BICDL1: variants seen among roughly 807,000 people sequenced by gnomAD.
BICDL1 encodes BICD family like cargo adaptor 1.
In BICDL1, 20 loss-of-function variants were observed where a neutral mutation model predicts 76.8. That is an observed-to-expected ratio of 0.26 (90% CI 0.18 to 0.38). The LOEUF (loss-of-function observed/expected upper bound fraction) is 0.38. Among genes scored for constraint, BICDL1 ranks in the 10% least tolerant of loss-of-function variants. The pLI, the probability that BICDL1 is intolerant of heterozygous loss-of-function variation, is 1.00. For missense variants in BICDL1, 700 were observed against 798.6 expected (o/e 0.88, Z 1.49); for synonymous variants, 383 against 337.1 (o/e 1.14, Z -1.49).
Position 120,093,375 on chromosome 12 carries a change from A to T in BICDL1, c.*214A>T. On this transcript the variant is annotated 3_prime_UTR_variant, in exon 10 of 10. Transcript: ENST00000548673. ...GGCCACTGAAGGCTTCCCTTGGCCC[A>T]CCGCCTGGCCAAGCCCACGCCTGGG... 1.7e-6 allele frequency: 1 copy of T among 595,864 alleles called. No homozygotes were observed. The highest frequency in any genetic ancestry group is 3.1e-5 in the East Asian group (1 of 32,550). The allele number at this position is 595,864 out of a possible 1,614,324, so 36.9% of individuals were successfully genotyped here.
At chr12:119,998,855 GA>G in intron 2 of BICDL1, 119 bp downstream of exon 2, 8 of 917,890 alleles carry the variant, frequency 8.7e-6, no homozygotes, top group Non-Finnish European at 1.3e-5. Flanking sequence ...AAGCACTTCA[GA>G]CCAATCTGGG....
chr12:120,048,317 C>G (rs1952787331), intron 2 of BICDL1, among the ~76,000 whole-genome samples: 1 of 152,064 alleles, frequency 6.6e-6, no homozygotes, highest in African/African-American at 2.4e-5. Context: ...TAAGATAATA[C>G]AACCTCCATA....
chr12:120,076,534 A>G (rs1450180988), intron 7 of BICDL1, among the ~76,000 whole-genome samples: 2 of 152,170 alleles, frequency 1.3e-5, no homozygotes, highest in Admixed American at 6.5e-5. Flanking sequence ...CCAAGATTCT[A>G]CTGTAGAATA....
In BICDL1 at chr12:120,022,468, TA is replaced by T. The variant is rs1952204708; in HGVS notation, c.645+23733del. On this transcript the variant is annotated intron_variant, in intron 2 of 9. Transcript: ENST00000548673. ...ATATGTATTTTATATATTATATATT[TA>T]TATATATTTTATATATTTTTGTGTA... Among the ~76,000 whole-genome samples, 4 of 147,166 alleles carry T rather than the reference TA, an allele frequency of 2.7e-5. No individual in the cohort carries two copies. The South Asian group carries it at 8.4e-4, about 31-fold the overall frequency.
intron 9 of BICDL1, 113 bp from the exon 10 acceptor site, chr12:120,092,887 C>T (rs960474226): frequency 1.8e-5 from 26 of 1,461,080 alleles, no homozygotes; most frequent in Non-Finnish European, 2.1e-5. Context: ...TGCAGCCTCT[C>T]ACTCATCACA....
intron 2 of BICDL1, chr12:120,057,085 T>G (rs1952990799): frequency 7.7e-6 from 4 of 522,712 alleles, no homozygotes; most frequent in South Asian, 5.5e-5. Context: ...CCACCTCTGA[T>G]GCAGAATTTG....
At position 120,023,833 on chromosome 12, in the gene BICDL1, A is replaced by G. The variant is rs189172799; in HGVS notation, c.645+25097A>G. On this transcript the variant is annotated intron_variant, in intron 2 of 9. Coordinates refer to ENST00000548673, the MANE Select transcript of BICDL1 (RefSeq NM_001367886.1). ...AAAAAAGATTCCCAGGTATGCAAAG[A>G]GGCAGGAAAATATGGTCTGTAATAA... is the stretch of plus-strand genomic sequence containing the variant. Among the ~76,000 whole-genome samples the G allele has an allele frequency of 8.9e-4, 136 of 151,994 alleles. 1 individual carries two copies. The highest frequency in any genetic ancestry group is 3.0e-3 in the African/African-American group (124 of 41,494).
intron 2 of BICDL1, among the ~76,000 whole-genome samples, chr12:120,022,421 TA>T (rs1417179579): frequency 1.4e-5 from 2 of 147,212 alleles, no homozygotes; most frequent in African/African-American, 2.5e-5. Context: ...TTTATATATA[TA>T]TTTTTTATAT....
chr12:120,061,867 T>C (rs771497091), intron 3 of BICDL1, 41 bp downstream of exon 3: 7 of 1,465,632 alleles, frequency 4.8e-6, no homozygotes, highest in African/African-American at 2.8e-5. Flanking sequence ...GTGGAGTGCT[T>C]TTCTCACTGG....
Position 120,071,699 on chromosome 12 carries a change from T to G in BICDL1, c.987T>G (p.Thr329=). Residue 329 remains threonine (T), a synonymous_variant, in exon 5 of 10, where the codon ACT becomes ACG. Transcript: ENST00000548673. This position sits in a 1 kb window ranked among gnomAD's most constrained non-coding sequence, Gnocchi z 4.8. ...TGCAGGTGAAGGTGGAAGAACTCACTGAGGAGAGGAGTCTGCAGAGCTCTG... is the reference window on the plus strand; with the variant it reads ...TGCAGGTGAAGGTGGAAGAACTCACGGAGGAGAGGAGTCTGCAGAGCTCTG... The part of the protein sequence containing the change: ...RQLQVKVEEL[T]EERSLQSSAA... 1 of 1,612,532 alleles carries G rather than the reference T, an allele frequency of 6.2e-7. No homozygotes were observed. Among genetic ancestry groups the G allele is most frequent in the South Asian group, 1.1e-5 (1 of 90,908 alleles).
intron 2 of BICDL1, among the ~76,000 whole-genome samples, chr12:120,003,158 TAAAAAAAAA>T (rs747568511): frequency 1.8e-4 from 25 of 136,648 alleles, no homozygotes; most frequent in Admixed American, 3.0e-4. Flanking sequence ...ACCCCATCTT[TAAAAAAAAA>T]AAAAAAAAAC....
At chr12:120,066,316 G>A (rs1366443659) in intron 4 of BICDL1, among the ~76,000 whole-genome samples, 1 of 152,152 alleles carries the variant, frequency 6.6e-6, no homozygotes, top group Non-Finnish European at 1.5e-5. Context: ...GCTCTCCTGA[G>A]GGTTGCTGAC....
At chr12:120,061,993 A>T (rs1459274846) in intron 3 of BICDL1, among the ~76,000 whole-genome samples, 167 bp downstream of exon 3, 1 of 152,196 alleles carries the variant, frequency 6.6e-6, no homozygotes, top group Non-Finnish European at 1.5e-5. Flanking sequence ...TTGTCTGGAA[A>T]AATGAAGTTG....
At chr12:120,035,566 CTA>C (rs1263409947) in intron 2 of BICDL1, among the ~76,000 whole-genome samples, 2 of 152,184 alleles carry the variant, frequency 1.3e-5, no homozygotes, top group African/African-American at 4.8e-5. Context: ...GCAGCTGACT[CTA>C]AAACCCTGCT....
Position 119,989,810 on chromosome 12 carries a change from C to G in BICDL1, c.-59C>G, listed in dbSNP as rs929254559. 6.2e-5 allele frequency: 56 copies of G among 905,296 alleles called. No individual in the cohort carries two copies. Among genetic ancestry groups the G allele is most frequent in the South Asian group, 4.5e-4 (9 of 19,808 alleles). The allele number at this position is 905,296 out of a possible 1,614,324, so 56.1% of individuals were successfully genotyped here. A position where few individuals can be genotyped will look rare whatever the true frequency, so the allele number is the denominator to read the frequency against. Reference sequence around the variant, plus strand: ...GGGCGGCGCGGCAGGGCCCCTCCCCCCTGCAGCCTGGCGCGCGCGGGCCGG... The same window carrying G: ...GGGCGGCGCGGCAGGGCCCCTCCCCGCTGCAGCCTGGCGCGCGCGGGCCGG... On this transcript the variant is annotated 5_prime_UTR_variant, in exon 1 of 10. Coordinates refer to ENST00000548673, the MANE Select transcript of BICDL1 (RefSeq NM_001367886.1).
chr12:120,066,978 G>A (rs112940702), intron 4 of BICDL1, among the ~76,000 whole-genome samples: 2 of 152,370 alleles, frequency 1.3e-5, no homozygotes, highest in African/African-American at 2.4e-5. Flanking sequence ...GTCACAACCA[G>A]GGGAGCCCCC....
intron 4 of BICDL1, among the ~76,000 whole-genome samples, chr12:120,069,438 C>T (rs1228496373): frequency 6.6e-6 from 1 of 152,232 alleles, no homozygotes; most frequent in Non-Finnish European, 1.5e-5. Flanking sequence ...CAATATCTCT[C>T]TGGGACAAAT....
chr12:120,016,874 T>C (rs1158015883), intron 2 of BICDL1, among the ~76,000 whole-genome samples: 1 of 152,010 alleles, frequency 6.6e-6, no homozygotes, highest in African/African-American at 2.4e-5. Flanking sequence ...CTTCACATGG[T>C]AATAGATTTA....
At chr12:120,004,956 G>C (rs1407363572) in intron 2 of BICDL1, among the ~76,000 whole-genome samples, 3 of 151,946 alleles carry the variant, frequency 2.0e-5, no homozygotes, top group Non-Finnish European at 2.9e-5. Flanking sequence ...TGAGTAGCTG[G>C]GATTACAGGC....
Sources: allele counts gnomAD v4.1 joint callset (sites outside exome capture counted in the v4.1 genomes callset), GRCh38; gene constraint gnomAD v4.1.1; non-coding constraint Gnocchi (gnomAD v3.1); transcripts MANE v1.5; gene names NCBI Gene and HGNC (gene_info 2026-07-23, HGNC 2026-07-21).